TTN: variants seen among roughly 807,000 people sequenced by gnomAD.
The protein encoded by TTN is titin.
In TTN, 1,525 loss-of-function variants were observed where a neutral mutation model predicts 3,223.0. The ratio of observed to expected loss-of-function variants is 0.47; its 90% CI spans 0.45 to 0.49. The LOEUF (loss-of-function observed/expected upper bound fraction) is 0.49, where lower values mean the gene tolerates loss of function less well. TTN is among the 20% of genes least tolerant of loss of function. The pLI is 0.00. For synonymous variants in TTN, 14,094 were observed against 15,161.0 expected, an observed-to-expected ratio of 0.93 and a Z score of 5.17; for missense variants, 40,786 against 43,424.0, an observed-to-expected ratio of 0.94 and a Z score of 5.40.
chr2:178,709,577 A>G lies in TTN; in HGVS notation c.28742T>C (p.Ile9581Thr). Residue 9581 changes from isoleucine (I) to threonine (T), a missense_variant, in exon 99 of 363, where the codon ATC (isoleucine) becomes ACC (threonine). By Grantham distance (89) the Ile-to-Thr change is moderately conservative. Transcript: ENST00000589042. Reference protein sequence around the residue: ...DAGSALCTSSIVIKEPKKPPV... With the variant: ...DAGSALCTSSTVIKEPKKPPV... ...TGAGGATAACTCACCTTTGATGACG[A>G]TTGAAGACGTGCACAGAGCAGAGCC... 1 of 1,605,758 alleles carries G rather than the reference A, an allele frequency of 6.2e-7. No individual in the cohort carries two copies. Among genetic ancestry groups the G allele is most frequent in the Non-Finnish European group, 8.5e-7 (1 of 1,172,934 alleles).
At chr2:178,651,349 G>T in intron 207 of TTN, 29 bp from the exon 208 acceptor site, 1 of 1,608,966 alleles carries the variant, frequency 6.2e-7, no homozygotes, top group South Asian at 1.1e-5. Flanking sequence ...TTTAACATTA[G>T]AAACAATCAC....
chr2:178,671,187 A>G lies in TTN; in HGVS notation c.35228-17T>C. 1.3e-6 allele frequency: 2 copies of G among 1,575,576 alleles called. No homozygotes were observed. Among genetic ancestry groups the G allele is most frequent in the Non-Finnish European group, 1.7e-6 (2 of 1,164,170 alleles). The stretch of plus-strand genomic sequence containing the variant: ...TCTCAGGCCCTTCAAAGATATTAGT[A>G]TTTTGGTTTAGAATGAACTCTTGAA... On this transcript the variant is annotated splice_polypyrimidine_tract_variant and intron_variant, in intron 155 of 362. Coordinates refer to ENST00000589042, the MANE Select transcript of TTN (RefSeq NM_001267550.2).
At chr2:178,650,053 G>A (rs1336783076) in intron 210 of TTN, 111 bp downstream of exon 210, 2 of 1,316,422 alleles carry the variant, frequency 1.5e-6, no homozygotes, top group African/African-American at 3.0e-5. Context: ...TCTTAATGTA[G>A]TCAGATTTCA....
chr2:178,805,204 C>T (rs111692972), intron 1 of TTN, among the ~76,000 whole-genome samples: 17,206 of 151,648 alleles, frequency 0.11, 1,825 homozygotes, highest in East Asian at 0.58. Flanking sequence ...ATTAGCCAGG[C>T]GTGGTGGCCC....
chr2:178,580,740 T>G, intron 316 of TTN, 131 bp from the exon 317 acceptor site: 1 of 868,950 alleles, frequency 1.2e-6, no homozygotes, highest in Non-Finnish European at 1.7e-6. Flanking sequence ...ACTTCCTTAA[T>G]ACAATCCTCA....
intron 345 of TTN, 24 bp downstream of exon 345, chr2:178,544,177 C>T (rs1029681211): frequency 5.0e-6 from 8 of 1,606,842 alleles, no homozygotes; most frequent in Admixed American, 1.7e-5. Flanking sequence ...AAATAATTCA[C>T]CTAAAAGCTT....
chr2:178,710,632 T>C lies in TTN; in HGVS notation c.28462+3A>G, dbSNP rs1402065855. On this transcript the variant is annotated splice_donor_region_variant and intron_variant, in intron 98 of 362. Coordinates refer to ENST00000589042, the MANE Select transcript of TTN (RefSeq NM_001267550.2). ...GTTGGACCACTTGCAAAATAAACGA[T>C]ACCTTTTATATTCAGCTGAGCTGTG... 16 of 1,596,638 alleles carry C rather than the reference T, an allele frequency of 1.0e-5. No individual in the cohort carries two copies. Among genetic ancestry groups the C allele is most frequent in the Non-Finnish European group, 1.4e-5 (16 of 1,168,078 alleles).
rs189951108 is a variant in TTN, at chr2:178,723,552, C to T, written c.21548G>A (p.Cys7183Tyr). The change falls in exon 74 of 363, where the codon TGC (cysteine) becomes TAC (tyrosine). Residue 7183 changes from cysteine (C) to tyrosine (Y), a missense_variant. By Grantham distance (194) the Cys-to-Tyr change is radical. Coordinates refer to ENST00000589042, the MANE Select transcript of TTN (RefSeq NM_001267550.2). ...CACAGTGTCTTCAAAATAGATGTTGCACCGGTCTCCTTTCACTAGTTCTCT... is the reference window on the plus strand; with the variant it reads ...CACAGTGTCTTCAAAATAGATGTTGTACCGGTCTCCTTTCACTAGTTCTCT... ...GARELVKGDRCNIYFEDTVAE... is the reference protein window; with the variant it reads ...GARELVKGDRYNIYFEDTVAE... 1,164 of 1,613,390 alleles carry T rather than the reference C, an allele frequency of 7.2e-4. 1 individual carries two copies. The highest frequency in any genetic ancestry group is 9.0e-4 in the Non-Finnish European group (1,066 of 1,179,584).
In TTN at chr2:178,727,232, A is replaced by G; in HGVS notation, c.20133T>C (p.Ser6711=). ...WFRNEHELPA[S]DKYRMTFIDS... ...CAATGAAAGTCATTCTGTACTTATC[A>G]CTGGCTGGAAGTTCATGTTCATTTC... The change falls in exon 69 of 363, where the codon AGT becomes AGC. Residue 6711 remains serine, a synonymous_variant. Coordinates refer to ENST00000589042, the MANE Select transcript of TTN (RefSeq NM_001267550.2). 1 of 1,613,208 alleles carries G rather than the reference A, an allele frequency of 6.2e-7. No individual in the cohort carries two copies. Among genetic ancestry groups the G allele is most frequent in the Non-Finnish European group, 8.5e-7 (1 of 1,179,446 alleles).
chr2:178,718,802 G>A lies in TTN; in HGVS notation c.24398C>T (p.Thr8133Ile), dbSNP rs765991142. The part of the protein sequence containing the change: ...SCNISLEDFV[T>I]ELELFEVQPL... ...CTGCACCTCAAACAACTCCAGTTCT[G>A]TGACAAAATCTTCCAGAGAGATGTT... The change falls in exon 84 of 363, where the codon ACA (threonine) becomes ATA (isoleucine). Residue 8133 changes from threonine to isoleucine, a missense_variant. Physicochemically the swap from Thr to Ile is moderately conservative, Grantham distance 89 (BLOSUM62 -1). Coordinates refer to ENST00000589042, the MANE Select transcript of TTN (RefSeq NM_001267550.2). The A allele has an allele frequency of 3.7e-6, 6 of 1,613,658 alleles. No homozygotes were observed. The highest frequency in any genetic ancestry group is 4.5e-5 in the East Asian group (2 of 44,872).
intron 107 of TTN, 96 bp downstream of exon 107, chr2:178,702,358 A>G (rs776409003): frequency 9.4e-5 from 151 of 1,603,114 alleles, no homozygotes; most frequent in Non-Finnish European, 1.2e-4. Context: ...AAAGCATTCT[A>G]GATAGAATGA....
rs1209066550 is a variant in TTN at position 178,667,506 on chromosome 2, T to C, written c.35649A>G (p.Lys11883=). ...KLAKVPEPPK[K]VVPEDKIYVT... The stretch of plus-strand genomic sequence containing the variant: ...CATATATTTTGTCTTCTGGAACAAC[T>C]TTCTTGGGTGGCTCAGGCACTTAAA... The change falls in exon 161 of 363, where the codon AAA becomes AAG. Residue 11883 remains lysine, a synonymous_variant. Transcript: ENST00000589042. 2 of 1,598,192 alleles carry C rather than the reference T, an allele frequency of 1.3e-6. No homozygotes were observed. Among genetic ancestry groups the C allele is most frequent in the East Asian group, 2.2e-5 (1 of 44,786 alleles).
At position 178,589,408 on chromosome 2, in the gene TTN, G is replaced by A. The variant is rs375173874; in HGVS notation, c.62317C>T (p.Leu20773=). 2.5e-6 allele frequency: 4 copies of A among 1,613,396 alleles called. No individual in the cohort carries two copies. The highest frequency in any genetic ancestry group is 1.3e-5 in the African/African-American group (1 of 74,986). Residue 20773 remains leucine (L), a synonymous_variant, in exon 304 of 363, where the codon CTG becomes TTG. Coordinates refer to ENST00000589042, the MANE Select transcript of TTN (RefSeq NM_001267550.2). ...ACAGTTAGGACCCCACTTAATTTCA[G>A]ATCAAGTACTGGTTTTTGTAAGTCT... ...KEDLQKPVLD[L]KLSGVLTVKA...
At chr2:178,646,678 C>A (rs1053246884) in intron 215 of TTN, 119 bp from the exon 216 acceptor site, 14 of 600,374 alleles carry the variant, frequency 2.3e-5, no homozygotes, top group Non-Finnish European at 4.0e-5. Context: ...ACAATTCATA[C>A]AAATTCATGT....
At position 178,614,069 on chromosome 2, in the gene TTN, G is replaced by A; in HGVS notation, c.49328C>T (p.Thr16443Ile). The change falls in exon 262 of 363, where the codon ACA becomes ATA. Residue 16443 changes from threonine (T) to isoleucine (I), a missense_variant. Transcript: ENST00000589042. ...AAACTTACCAAACTGATATTTGGCTGTTATTGGAGAGGCCTGAACTGGTTC... is the reference window on the plus strand; with the variant it reads ...AAACTTACCAAACTGATATTTGGCTATTATTGGAGAGGCCTGAACTGGTTC... The part of the protein sequence containing the change: ...VGEPVQASPI[T>I]AKYQFDPPGP... 6.2e-7 allele frequency: 1 copy of A among 1,612,036 alleles called. No individual in the cohort carries two copies. The highest frequency in any genetic ancestry group is 1.7e-4 in the Middle Eastern group (1 of 6,046).
At chr2:178,578,336 AT>A (rs369785776) in intron 321 of TTN, among the ~76,000 whole-genome samples, 151 bp from the exon 322 acceptor site, 42 of 149,044 alleles carry the variant, frequency 2.8e-4, no homozygotes, top group African/African-American at 5.4e-4. Flanking sequence ...GCATAGTGCC[AT>A]TTTTTTTTTC....
In TTN at chr2:178,535,103, C is replaced by T. The variant is rs750880689; in HGVS notation, c.101512G>A (p.Glu33838Lys). 1.2e-6 allele frequency: 2 copies of T among 1,613,828 alleles called. No individual in the cohort carries two copies. The highest frequency in any genetic ancestry group is 3.3e-5 in the Admixed American group (2 of 60,012). ...GEFGIVHRCVETSSKKTYMAK... is the reference protein window; with the variant it reads ...GEFGIVHRCVKTSSKKTYMAK... The stretch of plus-strand genomic sequence containing the variant: ...ATGTATGTCTTCTTTGAGGATGTTT[C>T]AACACAACGATGGACAATTCCAAAC... The change falls in exon 358 of 363, where the codon GAA (glutamate) becomes AAA (lysine). Residue 33838 changes from glutamate to lysine, a missense_variant. Physicochemically the swap from Glu to Lys is moderately conservative, Grantham distance 56 (BLOSUM62 1). Coordinates refer to ENST00000589042, the MANE Select transcript of TTN (RefSeq NM_001267550.2).
At chr2:178,778,798 C>T in intron 24 of TTN, 76 bp downstream of exon 24, 1 of 1,593,872 alleles carries the variant, frequency 6.3e-7, no homozygotes, top group South Asian at 1.1e-5. Flanking sequence ...TCTTCTTACA[C>T]AATAGCAATT....
chr2:178,579,945 C>A lies in TTN; in HGVS notation c.67342G>T (p.Ala22448Ser), dbSNP rs2047323324. The A allele has an allele frequency of 3.1e-6, 5 of 1,612,976 alleles. No homozygotes were observed. In the African/African-American group the frequency reaches 5.3e-5, roughly 17 times the overall value. ...TGATGGTTCATTTGCTTACGGGAAG[C>A]TTTGACAGCATCACGAGTTTCACCG... ...DPGETRDAVK[A>S]SQTPGPVVDL... Residue 22448 changes from alanine to serine, a missense_variant, in exon 318 of 363, where the codon GCT (alanine) becomes TCT (serine). By Grantham distance (99) the Ala-to-Ser change is moderately conservative. Coordinates refer to ENST00000589042, the MANE Select transcript of TTN (RefSeq NM_001267550.2).
Sources: allele counts gnomAD v4.1 joint callset (sites outside exome capture counted in the v4.1 genomes callset), GRCh38; gene constraint gnomAD v4.1.1; transcripts MANE v1.5; gene names NCBI Gene and HGNC (gene_info 2026-07-23, HGNC 2026-07-21).